The following SLC6A15 variants were observed in gnomAD, a reference collection of about 807,000 sequenced individuals.
SLC6A15 encodes sodium-dependent neutral amino acid transporter B(0)AT2.
In SLC6A15, 33 loss-of-function variants were observed where a neutral mutation model predicts 68.5. The ratio of observed to expected loss-of-function variants is 0.48; its 90% CI spans 0.37 to 0.64. The LOEUF (loss-of-function observed/expected upper bound fraction) is 0.64, where lower values mean the gene tolerates loss of function less well. Among genes scored for constraint, SLC6A15 ranks in the 30% least tolerant of loss-of-function variants. The probability of loss-of-function intolerance (pLI) is 0.00; values close to 1 mark genes in which losing one functional copy is unlikely to be tolerated. For missense variants in SLC6A15, 747 were observed against 874.3 expected, an observed-to-expected ratio of 0.85 and a Z score of 1.84; for synonymous variants, 347 against 301.0, an observed-to-expected ratio of 1.15 and a Z score of -1.58.
At chr12:84,882,011 G>A (rs1871842553) in intron 5 of SLC6A15, 1 of 978,250 alleles carries the variant, frequency 1.0e-6, no homozygotes, top group South Asian at 4.7e-5. Context: ...TAAATAAATT[G>A]TATTACATTT....
chr12:84,863,968 A>G (rs941118190), intron 10 of SLC6A15, among the ~76,000 whole-genome samples: 2 of 151,284 alleles, frequency 1.3e-5, no homozygotes, highest in African/African-American at 4.8e-5. Flanking sequence ...CTGCTTAAAT[A>G]TTATTAAGAA....
chr12:84,881,008 G>T (rs893870409), intron 5 of SLC6A15: 1 of 291,928 alleles, frequency 3.4e-6, no homozygotes, highest in Non-Finnish European at 5.1e-6. Context: ...CAGTAAAATG[G>T]GGATAAAATA....
At chr12:84,896,034 C>T (rs1237338679) in intron 1 of SLC6A15, among the ~76,000 whole-genome samples, 1 of 152,072 alleles carries the variant, frequency 6.6e-6, no homozygotes, top group Non-Finnish European at 1.5e-5. Flanking sequence ...TATCAGTGCT[C>T]GATAGGTCAT....
intron 10 of SLC6A15, 138 bp downstream of exon 10, chr12:84,866,896 G>C (rs569366983): frequency 1.0e-4 from 67 of 655,988 alleles, no homozygotes; most frequent in Non-Finnish European, 1.4e-4. Context: ...GAATCAGTGA[G>C]AGCCTGCAAA....
In SLC6A15 at chr12:84,877,552, T is replaced by A. The variant is rs573205667; in HGVS notation, c.757-945A>T. 2.0e-5 allele frequency among the ~76,000 whole-genome samples: 3 copies of A among 152,268 alleles called. No individual in the cohort carries two copies. The East Asian group carries it at 5.8e-4, about 29-fold the overall frequency. On this transcript the variant is annotated intron_variant, in intron 5 of 11. Transcript: ENST00000266682. ...GCTCTGGCCACTCAGGCCCTTGCTA[T>A]CCTGTGAGTCTACCAAGCTCAGCCA...
chr12:84,867,406 A>G (rs1354649282), intron 9 of SLC6A15: 1 of 316,528 alleles, frequency 3.2e-6, no homozygotes, highest in East Asian at 4.9e-5. Flanking sequence ...ATTCTAAGAC[A>G]GTAATTCATC....
intron 9 of SLC6A15, among the ~76,000 whole-genome samples, chr12:84,868,874 G>A (rs181555217): frequency 1.5e-3 from 224 of 152,206 alleles, no homozygotes; most frequent in African/African-American, 5.2e-3. Flanking sequence ...TGGATATGGC[G>A]AGCAAGGATA....
chr12:84,891,324 C>G (rs1297338383), intron 2 of SLC6A15, among the ~76,000 whole-genome samples: 2 of 152,110 alleles, frequency 1.3e-5, no homozygotes, highest in Non-Finnish European at 2.9e-5. Flanking sequence ...GTTTACATTC[C>G]TTCTGCTGGG....
chr12:84,882,982 G>A, intron 5 of SLC6A15: 1 of 975,272 alleles, frequency 1.0e-6, no homozygotes. Flanking sequence ...TGCCATTCCT[G>A]CTAGTATATG....
chr12:84,882,488 G>C lies in SLC6A15; in HGVS notation c.756+1371C>G, dbSNP rs190410511. On this transcript the variant is annotated intron_variant, in intron 5 of 11. Coordinates refer to ENST00000266682, the MANE Select transcript of SLC6A15 (RefSeq NM_182767.6). ...ATGTAAAATCAGCTACAATTTACAA[G>C]TTAAAAAGTCACTAAAATTTTTAAT... 9.9e-5 allele frequency: 92 copies of C among 927,978 alleles called. No individual in the cohort carries two copies. The Middle Eastern group carries it at 2.2e-3, about 23-fold the overall frequency. The allele number at this position is 927,978 out of a possible 1,614,324, so 57.5% of individuals were successfully genotyped here. A position where few individuals can be genotyped will look rare whatever the true frequency, so the allele number is the denominator to read the frequency against.
At chr12:84,893,551 T>G (rs570121783) in intron 1 of SLC6A15, among the ~76,000 whole-genome samples, 1 of 152,268 alleles carries the variant, frequency 6.6e-6, no homozygotes, top group Admixed American at 6.5e-5. Context: ...TATGACTGCT[T>G]CTCTTCAAAT....
chr12:84,874,949 T>C (rs893646538), intron 6 of SLC6A15, among the ~76,000 whole-genome samples: 2 of 152,200 alleles, frequency 1.3e-5, no homozygotes, highest in African/African-American at 2.4e-5. Flanking sequence ...CAACACTCAA[T>C]GAAAAGTTAG....
At chr12:84,906,110 A>G (rs1873139231) in intron 1 of SLC6A15, among the ~76,000 whole-genome samples, 1 of 152,224 alleles carries the variant, frequency 6.6e-6, no homozygotes, top group Non-Finnish European at 1.5e-5. Flanking sequence ...CACAGAATAC[A>G]CGGTAAACAT....
chr12:84,879,015 A>C (rs1468803457), intron 5 of SLC6A15, among the ~76,000 whole-genome samples: 1 of 151,934 alleles, frequency 6.6e-6, no homozygotes, highest in African/African-American at 2.4e-5. Context: ...AAATCCTCAA[A>C]GGTTCCACAC....
At position 84,885,520 on chromosome 12, in the gene SLC6A15, G is replaced by T; in HGVS notation, c.489C>A (p.Gly163=). 3 of 1,613,378 alleles carry T rather than the reference G, an allele frequency of 1.9e-6. No individual in the cohort carries two copies. Among genetic ancestry groups the T allele is most frequent in the Non-Finnish European group, 2.5e-6 (3 of 1,179,630 alleles). Residue 163 remains glycine (G), a synonymous_variant, in exon 4 of 12, where the codon GGC becomes GGA. Coordinates refer to ENST00000266682, the MANE Select transcript of SLC6A15 (RefSeq NM_182767.6). ...FVALYYNVII[G]WSLFYFSQSF... is the part of the protein sequence containing the mutation. ...ACTGAGAAAAATAAAACAAACTCCA[G>T]CCAATGATGACGTTGTAGTAGAGAG...
At chr12:84,870,047 GTA>G (rs1871219766) in intron 9 of SLC6A15, among the ~76,000 whole-genome samples, 1 of 151,840 alleles carries the variant, frequency 6.6e-6, no homozygotes. Context: ...TACTGCTGCT[GTA>G]TATGAGAACG....
rs1872083726 is a variant in SLC6A15, at chr12:84,885,987, C to A, written c.371G>T (p.Arg124Ile). The stretch of plus-strand genomic sequence containing the variant: ...TACACCAATGCTGCCTCGCCGAATT[C>A]TTTGACCCACAGAGAGTTCCAAGAA... ...LFFLELSVGQ[R>I]IRRGSIGVWN... The change falls in exon 3 of 12, where the codon AGA becomes ATA. Residue 124 changes from arginine to isoleucine, a missense_variant. Arg to Ile is a moderately conservative substitution (Grantham distance 97). Transcript: ENST00000266682. The A allele has an allele frequency of 1.2e-6, 2 of 1,613,270 alleles. No individual in the cohort carries two copies. The highest frequency in any genetic ancestry group is 2.2e-5 in the East Asian group (1 of 44,814).
intron 2 of SLC6A15, among the ~76,000 whole-genome samples, chr12:84,891,437 A>C (rs750388858): frequency 6.6e-6 from 1 of 152,218 alleles, no homozygotes; most frequent in Non-Finnish European, 1.5e-5. Context: ...AGAATTAATA[A>C]ATCACGGAGA....
At chr12:84,865,572 C>T (rs12369149) in intron 10 of SLC6A15, among the ~76,000 whole-genome samples, 19,199 of 152,224 alleles carry the variant, frequency 0.13, 1,350 homozygotes, top group South Asian at 0.3. Flanking sequence ...CAGTGTCATA[C>T]AGAGTAGTTT....
Sources: allele counts gnomAD v4.1 joint callset (sites outside exome capture counted in the v4.1 genomes callset), GRCh38; gene constraint gnomAD v4.1.1; transcripts MANE v1.5; gene names NCBI Gene and HGNC (gene_info 2026-07-23, HGNC 2026-07-21).